Variants in ADGRF4 observed in about 807,000 individuals in gnomAD.
ADGRF4 encodes G-protein coupled receptor PGR18.
In ADGRF4, 63 loss-of-function variants were observed where a neutral mutation model predicts 58.5. That is an observed-to-expected ratio of 1.08 (90% CI 0.88 to 1.33). The LOEUF is 1.33. Among genes scored for constraint, ADGRF4 ranks in the 40% most tolerant of loss-of-function variants. The pLI, the probability that ADGRF4 is intolerant of heterozygous loss-of-function variation, is 0.00. For synonymous variants in ADGRF4, 313 were observed against 295.4 expected (o/e 1.06, Z -0.61); for missense variants, 931 against 843.9 (o/e 1.10, Z -1.28).
chr6:47,708,012 G>T (rs1276495781), intron 2 of ADGRF4, among the ~76,000 whole-genome samples: 1 of 152,112 alleles, frequency 6.6e-6, no homozygotes, highest in African/African-American at 2.4e-5. Context: ...CACCATCAAG[G>T]TTCTATCCCT....
At chr6:47,705,122 G>A (rs928972647) in intron 1 of ADGRF4, among the ~76,000 whole-genome samples, 2 of 152,118 alleles carry the variant, frequency 1.3e-5, no homozygotes, top group African/African-American at 4.8e-5. Context: ...TAGAGATGGA[G>A]TTTCACCTGT....
intron 1 of ADGRF4, among the ~76,000 whole-genome samples, chr6:47,701,138 C>T (rs2113892542): frequency 6.6e-6 from 1 of 152,178 alleles, no homozygotes; most frequent in African/African-American, 2.4e-5. Flanking sequence ...CTGTGTTTGC[C>T]TGTAACTCTC....
At chr6:47,703,767 G>T (rs949351146) in intron 1 of ADGRF4, among the ~76,000 whole-genome samples, 2 of 152,074 alleles carry the variant, frequency 1.3e-5, no homozygotes, top group Non-Finnish European at 2.9e-5. Flanking sequence ...TTTTATTTAT[G>T]TACATATATG....
At position 47,710,782 on chromosome 6, in the gene ADGRF4, T is replaced by C; in HGVS notation, c.196T>C (p.Cys66Arg). The change falls in exon 4 of 10, where the codon TGT becomes CGT. Residue 66 changes from cysteine to arginine, a missense_variant. Coordinates refer to ENST00000283303, the MANE Select transcript of ADGRF4 (RefSeq NM_153838.5). ...TTCTTCTTCCAACTGCAGCCAGCCC[T>C]GTGCTAAGGACTTTCATGGAGAAAT... is the stretch of plus-strand genomic sequence containing the variant. ...CISSSNCSQP[C>R]AKDFHGEIGF... 6.2e-7 allele frequency: 1 copy of C among 1,612,966 alleles called. No individual in the cohort carries two copies. Among genetic ancestry groups the C allele is most frequent in the Non-Finnish European group, 8.5e-7 (1 of 1,179,466 alleles).
At position 47,714,153 on chromosome 6, in the gene ADGRF4, G is replaced by A. The variant is rs1010309139; in HGVS notation, c.908G>A (p.Arg303Lys). 2 of 1,613,970 alleles carry A rather than the reference G, an allele frequency of 1.2e-6. No homozygotes were observed. Residue 303 changes from arginine (R) to lysine (K), a missense_variant, in exon 6 of 10, where the codon AGA becomes AAA. Coordinates refer to ENST00000283303, the MANE Select transcript of ADGRF4 (RefSeq NM_153838.5). ...IAFPTLGAILREAHLQNVSLP... is the reference protein window; with the variant it reads ...IAFPTLGAILKEAHLQNVSLP... ...TTCCCAACCTTGGGGGCTATCCTGA[G>A]AGAAGCCCACTTGCAAAATGTGAGT...
At chr6:47,703,766 T>C (rs577858866) in intron 1 of ADGRF4, among the ~76,000 whole-genome samples, 2 of 152,360 alleles carry the variant, frequency 1.3e-5, no homozygotes, top group East Asian at 1.9e-4. Context: ...TTTTTATTTA[T>C]GTACATATAT....
chr6:47,699,269 C>G (rs1771530539), intron 1 of ADGRF4, among the ~76,000 whole-genome samples: 1 of 152,192 alleles, frequency 6.6e-6, no homozygotes, highest in Admixed American at 6.5e-5. Flanking sequence ...AGGCATCTTC[C>G]CTTGTTTCAA....
rs574873610 is a variant in ADGRF4, at chr6:47,712,594, C to A, written c.538C>A (p.Arg180=). 3 of 1,573,378 alleles carry A rather than the reference C, an allele frequency of 1.9e-6. No homozygotes were observed. Among genetic ancestry groups the A allele is most frequent in the Non-Finnish European group, 2.6e-6 (3 of 1,143,504 alleles). ...ISTDLSDNVT[R]EKMKSYSEVA... is the part of the protein sequence containing the mutation. ...TACAGACTTGTCTGATAATGTTACT[C>A]GAGAGAAAATGAAGGTATTCTTTGT... is the stretch of plus-strand genomic sequence containing the variant. Residue 180 remains arginine, a synonymous_variant, in exon 5 of 10, where the codon CGA becomes AGA. Coordinates refer to ENST00000283303, the MANE Select transcript of ADGRF4 (RefSeq NM_153838.5).
chr6:47,718,744 G>A (rs114486188), intron 9 of ADGRF4, among the ~76,000 whole-genome samples: 3 of 152,072 alleles, frequency 2.0e-5, no homozygotes, highest in Non-Finnish European at 4.4e-5. Context: ...ACTCATAATA[G>A]CCCCATTGTT....
At chr6:47,703,256 C>T (rs1771629203) in intron 1 of ADGRF4, among the ~76,000 whole-genome samples, 1 of 152,148 alleles carries the variant, frequency 6.6e-6, no homozygotes, top group African/African-American at 2.4e-5. Flanking sequence ...AAAATATCAA[C>T]CATGGATGAA....
rs1455813876 is a variant in ADGRF4 at position 47,714,667 on chromosome 6, T to G, written c.1422T>G (p.Val474=). The part of the protein sequence containing the change: ...NIKAQDYNMC[V]AVTFFSHFFY... ...AGGCCCAGGACTACAACATGTGTGT[T>G]GCAGTGACATTTTTCAGCCACTTTT... The change falls in exon 6 of 10, where the codon GTT becomes GTG. Residue 474 remains valine, a synonymous_variant. Coordinates refer to ENST00000283303, the MANE Select transcript of ADGRF4 (RefSeq NM_153838.5). 6.2e-7 allele frequency: 1 copy of G among 1,614,230 alleles called. No individual in the cohort carries two copies. Among genetic ancestry groups the G allele is most frequent in the Non-Finnish European group, 8.5e-7 (1 of 1,180,038 alleles).
In ADGRF4 at chr6:47,714,809, G is replaced by A. The variant is rs1274702853; in HGVS notation, c.1564G>A (p.Gly522Ser). Reference sequence around the variant, plus strand: ...AATGATGGTCATTGGCTTTGCCATTGGCTATGGGTGCCCATTGATCATTGC... The same window carrying A: ...AATGATGGTCATTGGCTTTGCCATTAGCTATGGGTGCCCATTGATCATTGC... ...SRMMVIGFAI[G>S]YGCPLIIAVT... The change falls in exon 6 of 10, where the codon GGC becomes AGC. Residue 522 changes from glycine (G) to serine (S), a missense_variant. Physicochemically the swap from Gly to Ser is moderately conservative, Grantham distance 56. Transcript: ENST00000283303. 21 of 1,613,668 alleles carry A rather than the reference G, an allele frequency of 1.3e-5. No individual in the cohort carries two copies. Among genetic ancestry groups the A allele is most frequent in the Non-Finnish European group, 1.8e-5 (21 of 1,179,596 alleles).
At chr6:47,707,599 GAAGA>G (rs1031601444) in intron 2 of ADGRF4, among the ~76,000 whole-genome samples, 1 of 152,214 alleles carries the variant, frequency 6.6e-6, no homozygotes, top group African/African-American at 2.4e-5. Context: ...GCTGCTGAGA[GAAGA>G]AAGTACTCAC....
At chr6:47,703,694 T>C (rs1421955111) in intron 1 of ADGRF4, among the ~76,000 whole-genome samples, 3 of 152,212 alleles carry the variant, frequency 2.0e-5, no homozygotes, top group Non-Finnish European at 2.9e-5. Flanking sequence ...TAGTTCAAAT[T>C]CATGTATTTT....
intron 1 of ADGRF4, among the ~76,000 whole-genome samples, chr6:47,700,560 GA>G (rs1460531319): frequency 6.6e-6 from 1 of 152,188 alleles, no homozygotes; most frequent in African/African-American, 2.4e-5. Context: ...AGACAGTGTG[GA>G]AAAAGACACA....
At position 47,716,866 on chromosome 6, in the gene ADGRF4, CT is replaced by C; in HGVS notation, c.1974+20del. ...TCACAAGGTAATTTGAATTTGCTTC[CT>C]CCTTATAAATGGTTTTCATGTGGCT... On this transcript the variant is annotated intron_variant, in intron 7 of 9. Transcript: ENST00000283303. 6.4e-7 allele frequency: 1 copy of C among 1,554,652 alleles called. No individual in the cohort carries two copies. Among genetic ancestry groups the C allele is most frequent in the Non-Finnish European group, 8.8e-7 (1 of 1,133,776 alleles).
chr6:47,700,525 G>C (rs1332981781), intron 1 of ADGRF4, among the ~76,000 whole-genome samples: 1 of 152,198 alleles, frequency 6.6e-6, no homozygotes, highest in South Asian at 2.1e-4. Flanking sequence ...TGGAGAAATA[G>C]GGTTTTATTA....
In ADGRF4 at chr6:47,714,487, AAGC is replaced by A; in HGVS notation, c.1243_1245del (p.Ser415del). ...GCATTGGGCTCAGCGTCTCAATCCT[AAGC>A]TTGGTTCTTTGCCTGATCATTGAAG... On this transcript the variant is annotated inframe_deletion, in exon 6 of 10. Coordinates refer to ENST00000283303, the MANE Select transcript of ADGRF4 (RefSeq NM_153838.5). 2 of 1,614,068 alleles carry A rather than the reference AAGC, an allele frequency of 1.2e-6. No individual in the cohort carries two copies. Among genetic ancestry groups the A allele is most frequent in the Non-Finnish European group, 1.7e-6 (2 of 1,180,010 alleles).
intron 5 of ADGRF4, 77 bp from the exon 6 acceptor site, chr6:47,713,721 A>T (rs1005722781): frequency 7.5e-5 from 89 of 1,186,088 alleles, no homozygotes; most frequent in Non-Finnish European, 9.6e-5. Context: ...GATCTTTAGA[A>T]ATTTCAGGTT....
Sources: allele counts gnomAD v4.1 joint callset (sites outside exome capture counted in the v4.1 genomes callset), GRCh38; gene constraint gnomAD v4.1.1; transcripts MANE v1.5; gene names NCBI Gene and HGNC (gene_info 2026-07-23, HGNC 2026-07-21).